SLC15A1: variants seen among roughly 807,000 people sequenced by gnomAD.
SLC15A1 encodes the protein solute carrier family 15 member 1, also known as Caco-2 oligopeptide transporter.
Under a neutral mutation model 92.9 loss-of-function variants are expected in SLC15A1, and 83 were observed. The ratio of observed to expected loss-of-function variants is 0.89; its 90% CI spans 0.75 to 1.07. SLC15A1 has a LOEUF of 1.07. Ranked by LOEUF, SLC15A1 falls within the 50% of genes least tolerant of loss-of-function variation. The probability of loss-of-function intolerance (pLI) is 0.00; values close to 1 mark genes in which losing one functional copy is unlikely to be tolerated. For synonymous variants in SLC15A1, 322 were observed against 318.2 expected (o/e 1.01, Z -0.13); for missense variants, 857 against 880.1 (o/e 0.97, Z 0.33).
chr13:98,726,207 G>A lies in SLC15A1; in HGVS notation c.161C>T (p.Ala54Val), dbSNP rs770068223. ...FISWDDNLST[A>V]IYHTFVALCY... Reference sequence around the variant, plus strand: ...CAGAGCCACAAACGTATGGTAGATGGCGGTGGACAGGTTATCATCCCAGCT... The same window carrying A: ...CAGAGCCACAAACGTATGGTAGATGACGGTGGACAGGTTATCATCCCAGCT... The change falls in exon 4 of 23, where the codon GCC (alanine) becomes GTC (valine). Residue 54 changes from alanine to valine, a missense_variant. Transcript: ENST00000376503. The A allele has an allele frequency of 3.1e-6, 5 of 1,614,012 alleles. No homozygotes were observed. Among genetic ancestry groups the A allele is most frequent in the South Asian group, 1.1e-5 (1 of 91,072 alleles).
intron 1 of SLC15A1, among the ~76,000 whole-genome samples, chr13:98,748,333 C>G (rs2088512771): frequency 1.3e-5 from 2 of 152,168 alleles, no homozygotes; most frequent in Admixed American, 1.3e-4. Context: ...CTCTGTTGCC[C>G]AGGCTGGAGC....
intron 1 of SLC15A1, among the ~76,000 whole-genome samples, chr13:98,752,380 C>A (rs1286109462): frequency 6.6e-6 from 1 of 152,108 alleles, no homozygotes; most frequent in African/African-American, 2.4e-5. Flanking sequence ...GGAGTCGGCG[C>A]CTCTGGGCAC....
intron 8 of SLC15A1, among the ~76,000 whole-genome samples, chr13:98,718,435 T>C (rs1336999920): frequency 2.7e-5 from 4 of 149,354 alleles, no homozygotes; most frequent in African/African-American, 9.9e-5. Flanking sequence ...TCCTTCCACT[T>C]AAGCTTCCAG....
chr13:98,720,310 T>G (rs191817021), intron 7 of SLC15A1, among the ~76,000 whole-genome samples: 2 of 152,316 alleles, frequency 1.3e-5, no homozygotes, highest in Admixed American at 1.3e-4. Flanking sequence ...AGTCATGAAC[T>G]TCCTTTTAAA....
intron 1 of SLC15A1, among the ~76,000 whole-genome samples, chr13:98,739,271 G>A (rs9582260): frequency 0.02 from 2,990 of 152,252 alleles, 115 homozygotes; most frequent in African/African-American, 0.068. Context: ...CTGCATTATC[G>A]CTGGAATGAG....
chr13:98,721,179 C>G (rs773348672), intron 7 of SLC15A1: 6 of 547,062 alleles, frequency 1.1e-5, no homozygotes, highest in Non-Finnish European at 1.4e-5. Flanking sequence ...AGCTTGGCTT[C>G]CAAGGCACCT....
chr13:98,687,664 C>T lies in SLC15A1; in HGVS notation c.1744G>A (p.Ala582Thr), dbSNP rs1250769273. The change falls in exon 21 of 23, where the codon GCT (alanine) becomes ACT (threonine). Residue 582 changes from alanine to threonine, a missense_variant. By Grantham distance (58) the Ala-to-Thr change is moderately conservative. Transcript: ENST00000376503. ...EDISANTVNM[A>T]LQIPQYFLLT... ...AGAAAATACTGCGGGATTTGCAGAGCCATGTTAACTGTGTTGGCTGAAATA... is the reference window on the plus strand; with the variant it reads ...AGAAAATACTGCGGGATTTGCAGAGTCATGTTAACTGTGTTGGCTGAAATA... 2.3e-5 allele frequency: 37 copies of T among 1,614,058 alleles called. No individual in the cohort carries two copies. The highest frequency in any genetic ancestry group is 3.1e-5 in the Non-Finnish European group (37 of 1,180,026).
At chr13:98,722,837 T>C (rs532503134) in intron 5 of SLC15A1, among the ~76,000 whole-genome samples, 1 of 152,320 alleles carries the variant, frequency 6.6e-6, no homozygotes, top group South Asian at 2.1e-4. Flanking sequence ...CAATTTACTC[T>C]TGTGAGAATT....
At chr13:98,725,972 C>G in intron 4 of SLC15A1, 151 bp downstream of exon 4, 1 of 968,840 alleles carries the variant, frequency 1.0e-6, no homozygotes, top group Non-Finnish European at 1.5e-6. Flanking sequence ...TCTCAAAGTG[C>G]TGGGATTACA....
chr13:98,735,921 G>T (rs145254854), intron 1 of SLC15A1, among the ~76,000 whole-genome samples: 10,842 of 152,180 alleles, frequency 0.071, 411 homozygotes, highest in Middle Eastern at 0.11. Context: ...ACTGCCCAAG[G>T]TAATTTATAG....
At chr13:98,734,230 G>A (rs1045152147) in intron 1 of SLC15A1, among the ~76,000 whole-genome samples, 1 of 152,176 alleles carries the variant, frequency 6.6e-6, no homozygotes, top group African/African-American at 2.4e-5. Flanking sequence ...TTCCCAAAGT[G>A]CTGGGATTAT....
At chr13:98,736,289 T>C (rs571377090) in intron 1 of SLC15A1, among the ~76,000 whole-genome samples, 1 of 152,346 alleles carries the variant, frequency 6.6e-6, no homozygotes, top group East Asian at 1.9e-4. Flanking sequence ...GCTAGCCATA[T>C]GTAGAAAGCT....
Position 98,712,561 on chromosome 13 carries a change from C to T in SLC15A1, c.747G>A (p.Arg249=), listed in dbSNP as rs764733745. Residue 249 remains arginine, a synonymous_variant, in exon 10 of 23, where the codon AGG becomes AGA. Coordinates refer to ENST00000376503, the MANE Select transcript of SLC15A1 (RefSeq NM_005073.4). The part of the protein sequence containing the change: ...CIGFAIKNRF[R]HRSKAFPKRE... ...TCTTGGGAAATGCCTTACTCCGATGCCTAAATCTATTTTTGATGGCAAACT... is the reference window on the plus strand; with the variant it reads ...TCTTGGGAAATGCCTTACTCCGATGTCTAAATCTATTTTTGATGGCAAACT... 1.2e-6 allele frequency: 2 copies of T among 1,607,546 alleles called. No homozygotes were observed. The highest frequency in any genetic ancestry group is 3.4e-5 in the Admixed American group (2 of 58,736).
chr13:98,751,278 T>C (rs1214628327), intron 1 of SLC15A1, among the ~76,000 whole-genome samples: 1 of 152,220 alleles, frequency 6.6e-6, no homozygotes, highest in African/African-American at 2.4e-5. Flanking sequence ...CATCAATTCA[T>C]TTGGAAAGGA....
intron 9 of SLC15A1, among the ~76,000 whole-genome samples, chr13:98,712,919 T>G (rs2088176873): frequency 6.6e-6 from 1 of 152,210 alleles, no homozygotes. Flanking sequence ...TGTACATACA[T>G]TTGTATAACA....
intron 8 of SLC15A1, among the ~76,000 whole-genome samples, chr13:98,718,172 G>A (rs1384351198): frequency 2.0e-5 from 3 of 152,054 alleles, no homozygotes; most frequent in African/African-American, 7.2e-5. Flanking sequence ...GATGTTCATT[G>A]GAGTGTTTCA....
chr13:98,687,650 CG>C lies in SLC15A1; in HGVS notation c.1757del (p.Pro586ArgfsTer29). On this transcript the variant is annotated frameshift_variant, in exon 21 of 23. Transcript: ENST00000376503. LOFTEE classifies it high-confidence loss of function. ...CGCCACAGGTGAGAAGAAAATACTGCGGGATTTGCAGAGCCATGTTAACTGT... is the reference window on the plus strand; with the variant it reads ...CGCCACAGGTGAGAAGAAAATACTGCGGATTTGCAGAGCCATGTTAACTGT... ...ANTVNMALQI[P>X]QYFLLTCGEV... 1 of 1,614,082 alleles carries C rather than the reference CG, an allele frequency of 6.2e-7. No individual in the cohort carries two copies. The highest frequency in any genetic ancestry group is 8.5e-7 in the Non-Finnish European group (1 of 1,179,988).
chr13:98,697,116 C>T (rs2088028266), intron 18 of SLC15A1, among the ~76,000 whole-genome samples: 1 of 152,086 alleles, frequency 6.6e-6, no homozygotes. Flanking sequence ...AGTGCAGTGC[C>T]GCGATCTTGG....
intron 17 of SLC15A1, among the ~76,000 whole-genome samples, chr13:98,703,847 G>A (rs550230782): frequency 6.6e-6 from 1 of 152,112 alleles, no homozygotes; most frequent in South Asian, 2.1e-4. Flanking sequence ...TGTATGCATA[G>A]TATTTTATTG....
Sources: gnomAD v4.1 joint callset for allele counts (sites outside exome capture counted in the v4.1 genomes callset) on GRCh38, gnomAD v4.1.1 for gene constraint, MANE v1.5 for transcripts, NCBI Gene and HGNC (gene_info 2026-07-23, HGNC 2026-07-21) for gene names.